The following RAP1GDS1 variants were observed in gnomAD, a reference collection of about 807,000 sequenced individuals.
RAP1GDS1 encodes Rap1 GTPase-GDP dissociation stimulator 1, also known as RAP1, GTP-GDP dissociation stimulator 1.
A neutral mutation model predicts 71.1 loss-of-function variants in RAP1GDS1; 35 were observed. The observed-to-expected ratio is 0.49, with a 90% CI of 0.38 to 0.65. RAP1GDS1 has a LOEUF of 0.65. Among genes scored for constraint, RAP1GDS1 ranks in the 30% least tolerant of loss-of-function variants. The pLI, the probability that RAP1GDS1 is intolerant of heterozygous loss-of-function variation, is 0.00. For synonymous variants in RAP1GDS1, 229 were observed against 243.1 expected (o/e 0.94, Z 0.54); for missense variants, 663 against 706.1 (o/e 0.94, Z 0.69).
intron 5 of RAP1GDS1, among the ~76,000 whole-genome samples, chr4:98,390,141 C>G (rs1057219314): frequency 6.6e-6 from 1 of 152,150 alleles, no homozygotes; most frequent in Non-Finnish European, 1.5e-5. Context: ...AGAGCCCTAT[C>G]TACTGGTAAG....
intron 1 of RAP1GDS1, among the ~76,000 whole-genome samples, chr4:98,268,442 A>G (rs1408330762): frequency 6.6e-6 from 1 of 152,196 alleles, no homozygotes; most frequent in Non-Finnish European, 1.5e-5. Flanking sequence ...ACTGCTATTT[A>G]AGATAGTACT....
In RAP1GDS1 at chr4:98,391,723, T is replaced by TTTA. The variant is rs1743703761; in HGVS notation, c.509-226_509-224dup. Among the ~76,000 whole-genome samples the TTTA allele has an allele frequency of 2.6e-5, 4 of 152,176 alleles. 1 individual carries two copies. Among genetic ancestry groups the TTTA allele is most frequent in the African/African-American group, 9.6e-5 (4 of 41,462 alleles). On this transcript the variant is annotated intron_variant, in intron 5 of 14. Transcript: ENST00000408927. ...GATTTGATATAGTCTTCAAACTATT[T>TTTA]TTATTTCTAAATGCCTTTTGGTTAT...
At chr4:98,356,776 A>G (rs1413274508) in intron 4 of RAP1GDS1, among the ~76,000 whole-genome samples, 3 of 151,972 alleles carry the variant, frequency 2.0e-5, no homozygotes, top group African/African-American at 7.2e-5. Flanking sequence ...TTCCTTGCTG[A>G]TGAGTAAATA....
intron 2 of RAP1GDS1, among the ~76,000 whole-genome samples, chr4:98,307,045 T>C (rs1042424527): frequency 6.6e-6 from 1 of 152,038 alleles, no homozygotes; most frequent in Non-Finnish European, 1.5e-5. Context: ...TTGTAAAATA[T>C]ATGTCTTCTT....
chr4:98,314,059 C>T (rs1317760079), intron 2 of RAP1GDS1, among the ~76,000 whole-genome samples: 3 of 152,082 alleles, frequency 2.0e-5, no homozygotes, highest in Admixed American at 2.0e-4. Context: ...AAGTGTTATA[C>T]ACCTTTTCAT....
At chr4:98,327,019 A>T (rs1733216405) in intron 2 of RAP1GDS1, among the ~76,000 whole-genome samples, 1 of 152,204 alleles carries the variant, frequency 6.6e-6, no homozygotes, top group Non-Finnish European at 1.5e-5. Flanking sequence ...TAACCTGTTT[A>T]TGAAGCTCAT....
chr4:98,284,417 G>A (rs969107150), intron 1 of RAP1GDS1, among the ~76,000 whole-genome samples: 2 of 151,940 alleles, frequency 1.3e-5, no homozygotes, highest in African/African-American at 4.8e-5. Context: ...AAATATAATC[G>A]TTTTTAGAAA....
At chr4:98,345,888 A>T (rs569281816) in intron 3 of RAP1GDS1, among the ~76,000 whole-genome samples, 3 of 152,222 alleles carry the variant, frequency 2.0e-5, no homozygotes, top group Non-Finnish European at 4.4e-5. Flanking sequence ...CGGTAGCAGC[A>T]TGTAACCTGA....
chr4:98,309,663 G>T (rs1448711027), intron 2 of RAP1GDS1, among the ~76,000 whole-genome samples: 1 of 151,844 alleles, frequency 6.6e-6, no homozygotes, highest in Non-Finnish European at 1.5e-5. Context: ...TCTAGTTGAA[G>T]AAATATAGTT....
chr4:98,331,260 C>T (rs141759563), intron 2 of RAP1GDS1, among the ~76,000 whole-genome samples: 2,116 of 151,360 alleles, frequency 0.014, 47 homozygotes, highest in African/African-American at 0.049. Context: ...AGTCCAGCCT[C>T]GGCAACAGAG....
intron 5 of RAP1GDS1, among the ~76,000 whole-genome samples, chr4:98,381,081 T>A (rs1741936927): frequency 6.6e-6 from 1 of 151,714 alleles, no homozygotes; most frequent in Admixed American, 6.6e-5. Context: ...TCTAACTGTA[T>A]AATATATATA....
rs397994660 is a variant in RAP1GDS1 at position 98,443,015 on chromosome 4, A to ATTTTTTTTTTTTTTTTTTTTTTTTTTT, written c.*921_*922insTTTTTTTTTTTTTTTTTTTTTTTTTTT. 9 of 138,336 alleles carry ATTTTTTTTTTTTTTTTTTTTTTTTTTT rather than the reference A, an allele frequency of 6.5e-5. No homozygotes were observed. The highest frequency in any genetic ancestry group is 1.2e-4 in the African/African-American group (3 of 25,324). The allele number at this position is 138,336 out of a possible 1,614,324, so 8.6% of individuals were successfully genotyped here. On this transcript the variant is annotated 3_prime_UTR_variant, in exon 15 of 15. Coordinates refer to ENST00000408927, the MANE Select transcript of RAP1GDS1 (RefSeq NM_001100427.2). ...TGAGTATAGTTCATTGAAGAATGGAATTTTTTTTTTTTTTTTTTTTTTTGC... is the reference window on the plus strand; with the variant it reads ...TGAGTATAGTTCATTGAAGAATGGAATTTTTTTTTTTTTTTTTTTTTTTTTTTTTTTTTTTTTTTTTTTTTTTTTTGC...
intron 4 of RAP1GDS1, among the ~76,000 whole-genome samples, chr4:98,353,259 G>A (rs992417871): frequency 2.0e-5 from 3 of 152,080 alleles, no homozygotes; most frequent in Non-Finnish European, 4.4e-5. Context: ...AGCTTAACTA[G>A]GCTTATTCTG....
At chr4:98,421,496 T>C (rs1748851046) in intron 12 of RAP1GDS1, 102 bp downstream of exon 12, 1 of 1,225,790 alleles carries the variant, frequency 8.2e-7, no homozygotes, top group African/African-American at 1.5e-5. Context: ...TACCTGAAAG[T>C]ATTGTGAAGA....
chr4:98,311,118 A>G (rs908282041), intron 2 of RAP1GDS1, among the ~76,000 whole-genome samples: 1 of 152,216 alleles, frequency 6.6e-6, no homozygotes, highest in African/African-American at 2.4e-5. Context: ...TAATTTATGG[A>G]TGGCACTTTA....
chr4:98,313,480 T>C (rs1444311515), intron 2 of RAP1GDS1, among the ~76,000 whole-genome samples: 1 of 152,200 alleles, frequency 6.6e-6, no homozygotes, highest in African/African-American at 2.4e-5. Context: ...ATGGATTGTA[T>C]TGTACAATAG....
intron 5 of RAP1GDS1, among the ~76,000 whole-genome samples, chr4:98,385,520 A>G (rs186862888): frequency 6.1e-4 from 93 of 151,996 alleles, no homozygotes; most frequent in African/African-American, 2.1e-3. Flanking sequence ...TACAAAGTCC[A>G]TTCAGAGAGG....
At chr4:98,342,893 C>A (rs1735691693) in intron 2 of RAP1GDS1, among the ~76,000 whole-genome samples, 1 of 152,094 alleles carries the variant, frequency 6.6e-6, no homozygotes, top group African/African-American at 2.4e-5. Context: ...GAAAGAACTT[C>A]TTTATAGTCT....
chr4:98,364,156 GAATA>G (rs1739153293), intron 4 of RAP1GDS1, among the ~76,000 whole-genome samples: 1 of 152,052 alleles, frequency 6.6e-6, no homozygotes, highest in Non-Finnish European at 1.5e-5. Context: ...TACCTTTGGG[GAATA>G]AATATTCAAA....
Sources: allele counts gnomAD v4.1 joint callset (sites outside exome capture counted in the v4.1 genomes callset), GRCh38; gene constraint gnomAD v4.1.1; transcripts MANE v1.5; gene names NCBI Gene and HGNC (gene_info 2026-07-23, HGNC 2026-07-21).